RPS6KB2: variants seen among roughly 807,000 people sequenced by gnomAD.
The protein encoded by RPS6KB2 is ribosomal protein S6 kinase beta-2.
In RPS6KB2, 51 loss-of-function variants were observed where a neutral mutation model predicts 58.2. The ratio of observed to expected loss-of-function variants is 0.88; its 90% CI spans 0.70 to 1.11. RPS6KB2 has a LOEUF of 1.11. RPS6KB2 is among the 50% of genes least tolerant of loss of function. RPS6KB2 has a pLI of 0.00. For synonymous variants in RPS6KB2, 293 were observed against 258.6 expected (o/e 1.13, Z -1.28); for missense variants, 671 against 655.8 (o/e 1.02, Z -0.25).
chr11:67,429,704 T>C (rs749347874), intron 4 of RPS6KB2, 109 bp downstream of exon 4: 4 of 866,976 alleles, frequency 4.6e-6, no homozygotes, highest in Non-Finnish European at 7.4e-6. Flanking sequence ...TCCCTGACTT[T>C]GGCGTTTGCT....
chr11:67,432,053 GC>G (rs1335307374), intron 5 of RPS6KB2: 1 of 330,202 alleles, frequency 3.0e-6, no homozygotes, highest in Non-Finnish European at 5.9e-6. Context: ...GCGGCTGGCT[GC>G]CCACATCAAG....
At chr11:67,429,839 A>T (rs1863966504) in intron 4 of RPS6KB2, 1 of 419,556 alleles carries the variant, frequency 2.4e-6, no homozygotes, top group Admixed American at 4.1e-5. Context: ...TTTAAGACGG[A>T]GTCTTGCTCT....
In RPS6KB2 at chr11:67,434,708, TG is replaced by T; in HGVS notation, c.1268+19del. ...GGCCCCCGTCAGGTACTGAGGGACG[TG>T]GGGGTGTGTGGCTGGGTTAGGGACG... On this transcript the variant is annotated intron_variant, in intron 14 of 14. Coordinates refer to ENST00000312629, the MANE Select transcript of RPS6KB2 (RefSeq NM_003952.3). The T allele has an allele frequency of 1.9e-6, 3 of 1,572,060 alleles. No individual in the cohort carries two copies.
intron 4 of RPS6KB2, chr11:67,430,378 C>A (rs1198136083): frequency 6.6e-6 from 1 of 152,156 alleles, no homozygotes; most frequent in Non-Finnish European, 1.5e-5. Flanking sequence ...CAACCTCCAC[C>A]TCCCAGGGTG....
In RPS6KB2 at chr11:67,429,038, G is replaced by T; in HGVS notation, c.119+16G>T. ...CTGGCCTAGAGTGAGTGAGGGTCGT[G>T]TTGGGGGAGGGGGGAATGGAGTGGG... is the stretch of plus-strand genomic sequence containing the variant. On this transcript the variant is annotated intron_variant, in intron 2 of 14. Coordinates refer to ENST00000312629, the MANE Select transcript of RPS6KB2 (RefSeq NM_003952.3). 1.9e-6 allele frequency: 3 copies of T among 1,613,786 alleles called. No homozygotes were observed. The highest frequency in any genetic ancestry group is 1.7e-6 in the Non-Finnish European group (2 of 1,179,870).
Position 67,432,755 on chromosome 11 carries a change from C to A in RPS6KB2, c.534C>A (p.Ile178=), listed in dbSNP as rs200660106. 520 of 1,614,194 alleles carry A rather than the reference C, an allele frequency of 3.2e-4. 5 individuals carry two copies. In the East Asian group the frequency reaches 0.011, roughly 35 times the overall value. The change falls in exon 7 of 15, where the codon ATC becomes ATA. Residue 178 remains isoleucine (I), a synonymous_variant. Coordinates refer to ENST00000312629, the MANE Select transcript of RPS6KB2 (RefSeq NM_003952.3). ...EDTACFYLAE[I]TLALGHLHSQ... is the part of the protein sequence containing the mutation. ...TCTGCAGCTTCTACCTGGCTGAGAT[C>A]ACGCTGGCCCTGGGCCATCTCCACT...
chr11:67,428,693 G>A (rs1863921874), intron 1 of RPS6KB2, 70 bp downstream of exon 1: 1 of 1,428,708 alleles, frequency 7.0e-7, no homozygotes, highest in East Asian at 2.4e-5. Flanking sequence ...CCGGAGCGGC[G>A]GCTCCGCACG....
intron 5 of RPS6KB2, chr11:67,432,147 C>T (rs987181492): frequency 2.2e-5 from 8 of 370,834 alleles, no homozygotes; most frequent in East Asian, 7.3e-5. Flanking sequence ...ATGAACCCTG[C>T]GAGCTTCTGC....
In RPS6KB2 at chr11:67,429,607, G is replaced by A. The variant is rs376846654; in HGVS notation, c.309+12G>A. The A allele has an allele frequency of 3.4e-5, 55 of 1,602,464 alleles. No homozygotes were observed. Among genetic ancestry groups the A allele is most frequent in the Admixed American group, 2.2e-4 (13 of 58,320 alleles). On this transcript the variant is annotated intron_variant, in intron 4 of 14. Coordinates refer to ENST00000312629, the MANE Select transcript of RPS6KB2 (RefSeq NM_003952.3). ...AAGTCCTAAGGAAGGTGAGTCACTCGTTCAGCCAACGAATACTGTGTGGCT... is the reference window on the plus strand; with the variant it reads ...AAGTCCTAAGGAAGGTGAGTCACTCATTCAGCCAACGAATACTGTGTGGCT...
chr11:67,429,181 C>T lies in RPS6KB2; in HGVS notation c.181C>T (p.Arg61Cys), dbSNP rs768381085. The T allele has an allele frequency of 4.3e-6, 7 of 1,613,680 alleles. No homozygotes were observed. The highest frequency in any genetic ancestry group is 5.1e-6 in the Non-Finnish European group (6 of 1,180,036). ...TETSVNVGPE[R>C]IGPHCFELLR... ...GACCAGCGTGAACGTTGGCCCAGAG[C>T]GCATCGGGCCCCACTGCTTTGAGCT... is the stretch of plus-strand genomic sequence containing the variant. Residue 61 changes from arginine to cysteine, a missense_variant, in exon 3 of 15, where the codon CGC (arginine) becomes TGC (cysteine). Physicochemically the swap from Arg to Cys is radical, Grantham distance 180 (BLOSUM62 -3). Coordinates refer to ENST00000312629, the MANE Select transcript of RPS6KB2 (RefSeq NM_003952.3).
chr11:67,431,219 G>A (rs997389680), intron 4 of RPS6KB2, 149 bp from the exon 5 acceptor site: 3 of 633,404 alleles, frequency 4.7e-6, no homozygotes, highest in Non-Finnish European at 8.2e-6. Flanking sequence ...TAGTAGAGAT[G>A]GGGTTTCACC....
chr11:67,433,557 C>T (rs1864123815), intron 10 of RPS6KB2, 110 bp downstream of exon 10: 2 of 827,078 alleles, frequency 2.4e-6, no homozygotes, highest in South Asian at 2.9e-5. Context: ...TGCAGTTTGC[C>T]TCTGGGAATG....
rs1863946749 is a variant in RPS6KB2 at position 67,429,256 on chromosome 11, CCCT to C, written c.240+23_240+25del. 4 of 1,611,178 alleles carry C rather than the reference CCCT, an allele frequency of 2.5e-6. No homozygotes were observed. The highest frequency in any genetic ancestry group is 1.3e-5 in the African/African-American group (1 of 74,926). ...CTATGGCAAGGTAGGGGCGGGCGCA[CCCT>C]CCTCCTGGCCTCACAGCCTCCATCT... On this transcript the variant is annotated intron_variant, in intron 3 of 14. Coordinates refer to ENST00000312629, the MANE Select transcript of RPS6KB2 (RefSeq NM_003952.3).
chr11:67,429,610 C>A lies in RPS6KB2; in HGVS notation c.309+15C>A. The A allele has an allele frequency of 6.3e-7, 1 of 1,598,134 alleles. No individual in the cohort carries two copies. Among genetic ancestry groups the A allele is most frequent in the South Asian group, 1.1e-5 (1 of 88,732 alleles). On this transcript the variant is annotated intron_variant, in intron 4 of 14. Coordinates refer to ENST00000312629, the MANE Select transcript of RPS6KB2 (RefSeq NM_003952.3). ...TCCTAAGGAAGGTGAGTCACTCGTT[C>A]AGCCAACGAATACTGTGTGGCTGCC...
chr11:67,433,898 T>C, intron 10 of RPS6KB2, 97 bp from the exon 11 acceptor site: 1 of 1,376,472 alleles, frequency 7.3e-7, no homozygotes, highest in African/African-American at 1.4e-5. Context: ...AAGCATTCTC[T>C]CCCATGTCAC....
Position 67,433,181 on chromosome 11 carries a change from C to G in RPS6KB2, c.763C>G (p.Leu255Val), listed in dbSNP as rs767022688. The G allele has an allele frequency of 3.7e-6, 6 of 1,605,440 alleles. No homozygotes were observed. The Admixed American group carries it at 1.0e-4, about 27-fold the overall frequency. Reference protein sequence around the residue: ...GHNRAVDWWSLGALMYDMLTG... With the variant: ...GHNRAVDWWSVGALMYDMLTG... ...CAACCGGGCTGTGGACTGGTGGAGC[C>G]TGGGGGCCCTGATGTACGACATGCT... Residue 255 changes from leucine (L) to valine (V), a missense_variant, in exon 9 of 15, where the codon CTG (leucine) becomes GTG (valine). Leu to Val is a conservative substitution (Grantham distance 32). Transcript: ENST00000312629.
chr11:67,434,903 T>C, intron 14 of RPS6KB2, 86 bp from the exon 15 acceptor site: 2 of 1,337,034 alleles, frequency 1.5e-6, no homozygotes, highest in Non-Finnish European at 1.1e-6. Flanking sequence ...CCTGGGCAGG[T>C]GGGAAAGGCT....
Position 67,428,572 on chromosome 11 carries a change from G to A in RPS6KB2, c.27G>A (p.Leu9=). 1 of 1,610,794 alleles carries A rather than the reference G, an allele frequency of 6.2e-7. No individual in the cohort carries two copies. Among genetic ancestry groups the A allele is most frequent in the Non-Finnish European group, 8.5e-7 (1 of 1,179,012 alleles). The change falls in exon 1 of 15, where the codon TTG becomes TTA. Residue 9 remains leucine (L), a synonymous_variant. Transcript: ENST00000312629. ...TGGCGGCCGTGTTTGATTTGGATTT[G>A]GAGACGGAGGAAGGCAGCGAGGGCG... The part of the protein sequence containing the change: MAAVFDLD[L]ETEEGSEGEG...
intron 10 of RPS6KB2, 60 bp downstream of exon 10, chr11:67,433,507 T>A: frequency 2.2e-6 from 3 of 1,339,220 alleles, no homozygotes; most frequent in Non-Finnish European, 2.1e-6. Context: ...TGTTCCTGAG[T>A]CTCTCTGGGC....
Sources: gnomAD v4.1 joint callset for allele counts on GRCh38, gnomAD v4.1.1 for gene constraint, MANE v1.5 for transcripts, NCBI Gene and HGNC (gene_info 2026-07-23, HGNC 2026-07-21) for gene names.